PLCZ1: variants seen among roughly 807,000 people sequenced by gnomAD.
PLCZ1 encodes phospholipase C zeta 1.
Under a neutral mutation model 76.8 loss-of-function variants are expected in PLCZ1, and 64 were observed. The observed-to-expected ratio is 0.83, with a 90% CI of 0.68 to 1.03. The LOEUF (loss-of-function observed/expected upper bound fraction) is 1.03. PLCZ1 is among the 50% of genes least tolerant of loss of function. The probability of loss-of-function intolerance (pLI) is 0.00; values close to 1 mark genes in which losing one functional copy is unlikely to be tolerated. For synonymous variants in PLCZ1, 248 were observed against 230.8 expected, an observed-to-expected ratio of 1.07 and a Z score of -0.68; for missense variants, 751 against 713.7, an observed-to-expected ratio of 1.05 and a Z score of -0.60.
chr12:18,650,401 ATTTT>A, the PLCZ1 span, among the ~76,000 whole-genome samples: 23,843 of 136,464 alleles, frequency 0.17, 2,563 homozygotes, highest in African/African-American at 0.3. Context: ...ATACACACAC[ATTTT>A]TTTTTTAAGA....
chr12:18,702,492 A>G (rs913426498), intron 7 of PLCZ1, among the ~76,000 whole-genome samples: 2 of 152,138 alleles, frequency 1.3e-5, no homozygotes, highest in Admixed American at 1.3e-4. Flanking sequence ...GTTATAAAGT[A>G]AAGTTCTTTT....
At chr12:18,653,954 C>T in the PLCZ1 span, among the ~76,000 whole-genome samples, 1 of 151,966 alleles carries the variant, frequency 6.6e-6, no homozygotes, top group Non-Finnish European at 1.5e-5. Flanking sequence ...CTCCATGATT[C>T]CGATTTACCC....
chr12:18,661,825 T>G, the PLCZ1 span, among the ~76,000 whole-genome samples: 8 of 152,006 alleles, frequency 5.3e-5, no homozygotes, highest in African/African-American at 1.9e-4. Context: ...TCTACCGTTG[T>G]AGAAATATTC....
chr12:18,713,596 A>G (rs1180908185), intron 5 of PLCZ1: 2 of 152,956 alleles, frequency 1.3e-5, no homozygotes, highest in East Asian at 1.9e-4. Flanking sequence ...CTCTCTAACC[A>G]TTTAACATAA....
intron 10 of PLCZ1, among the ~76,000 whole-genome samples, chr12:18,697,044 C>T (rs1274916068): frequency 6.6e-6 from 1 of 152,076 alleles, no homozygotes. Flanking sequence ...CTAACTTAAA[C>T]CCTTTACCAT....
chr12:18,691,464 A>G (rs1228987701), intron 12 of PLCZ1, among the ~76,000 whole-genome samples: 1 of 152,158 alleles, frequency 6.6e-6, no homozygotes, highest in African/African-American at 2.4e-5. Flanking sequence ...TCCAAGGAGA[A>G]TAGTTTGAGA....
At chr12:18,670,752 C>A in the PLCZ1 span, among the ~76,000 whole-genome samples, 2 of 152,122 alleles carry the variant, frequency 1.3e-5, no homozygotes, top group African/African-American at 4.8e-5. Flanking sequence ...TCATCCTGAA[C>A]TATTTTAGGT....
Position 18,719,498 on chromosome 12 carries a change from A to C in PLCZ1, c.502T>G (p.Ser168Ala), listed in dbSNP as rs907647673. ...GATACCAAATATGTGTTATGTGAAGATGAAATAAAATAATCATTTAATGGA... is the reference window on the plus strand; with the variant it reads ...GATACCAAATATGTGTTATGTGAAGCTGAAATAAAATAATCATTTAATGGA... ...THPLNDYFIS[S>A]SHNTYLVSDQ... The change falls in exon 5 of 15, where the codon TCT (serine) becomes GCT (alanine). Residue 168 changes from serine to alanine, a missense_variant. Ser to Ala is a moderately conservative substitution (Grantham distance 99, BLOSUM62 1). Transcript: ENST00000266505. The C allele has an allele frequency of 3.8e-6, 6 of 1,588,574 alleles. No homozygotes were observed. The Admixed American group carries it at 5.1e-5, about 14-fold the overall frequency.
Position 18,701,540 on chromosome 12 carries a change from T to C in PLCZ1, c.978A>G (p.Val326=), listed in dbSNP as rs1220555504. The C allele has an allele frequency of 8.1e-6, 13 of 1,614,088 alleles. No individual in the cohort carries two copies. Among genetic ancestry groups the C allele is most frequent in the Non-Finnish European group, 1.1e-5 (13 of 1,179,998 alleles). ...AAAGCATTACTCCAGGTAACTTTTT[T>C]ACCCCTGTTTCCTTGTCTTGATTGT... is the stretch of plus-strand genomic sequence containing the variant. ...RGDNQDKETG[V]KKLPGVMLFK... Residue 326 remains valine (V), a synonymous_variant, in exon 9 of 15, where the codon GTA becomes GTG. Coordinates refer to ENST00000266505, the MANE Select transcript of PLCZ1 (RefSeq NM_033123.4).
chr12:18,685,869 C>T (rs1953064344), intron 13 of PLCZ1, among the ~76,000 whole-genome samples: 1 of 146,006 alleles, frequency 6.8e-6, no homozygotes, highest in African/African-American at 2.6e-5. Flanking sequence ...CACACACACA[C>T]ATACAATAAT....
intron 12 of PLCZ1, chr12:18,693,783 C>G (rs750146061): frequency 3.7e-5 from 56 of 1,513,194 alleles, no homozygotes; most frequent in Non-Finnish European, 4.9e-5. Flanking sequence ...CAAATAGAAA[C>G]TTTGGATCCA....
At chr12:18,658,772 A>G in the PLCZ1 span, among the ~76,000 whole-genome samples, 1 of 152,284 alleles carries the variant, frequency 6.6e-6, no homozygotes, top group East Asian at 1.9e-4. Flanking sequence ...GAGAGTAAAA[A>G]GGGAGAGAAT....
At chr12:18,735,883 T>C (rs988446672) in intron 3 of PLCZ1, 1 of 169,442 alleles carries the variant, frequency 5.9e-6, no homozygotes, top group African/African-American at 2.4e-5. Context: ...TCCTCCCTTC[T>C]GCTAACTTTG....
downstream of PLCZ1, among the ~76,000 whole-genome samples, chr12:18,680,381 A>G (rs185116891): frequency 2.9e-3 from 445 of 152,084 alleles, 4 homozygotes; most frequent in African/African-American, 9.8e-3. Context: ...CCTTATATCC[A>G]ACATTTAAAA....
intron 7 of PLCZ1, among the ~76,000 whole-genome samples, chr12:18,704,471 G>A (rs1956340068): frequency 6.6e-6 from 1 of 152,074 alleles, no homozygotes; most frequent in African/African-American, 2.4e-5. Context: ...GATTACAGGT[G>A]GATGCCACGA....
At chr12:18,737,871 C>A in intron 1 of PLCZ1, 61 bp downstream of exon 1, 1 of 281,184 alleles carries the variant, frequency 3.6e-6, no homozygotes. Flanking sequence ...TGCTGTCACT[C>A]TTGAAACTTT....
chr12:18,732,715 G>T (rs958952859), intron 3 of PLCZ1, among the ~76,000 whole-genome samples: 5 of 152,136 alleles, frequency 3.3e-5, no homozygotes, highest in African/African-American at 1.2e-4. Context: ...GTGGTGTCAT[G>T]CACTATTTGT....
At chr12:18,668,510 A>G in the PLCZ1 span, among the ~76,000 whole-genome samples, 121 of 152,184 alleles carry the variant, frequency 8.0e-4, no homozygotes, top group Non-Finnish European at 1.4e-3. Flanking sequence ...GTCTACTACA[A>G]CTGAAGCTCC....
chr12:18,712,868 G>C lies in PLCZ1; in HGVS notation c.688C>G (p.Gln230Glu), dbSNP rs1164807164. ...TSKLLFKTVIQAIHKYAFMTS... is the reference protein window; with the variant it reads ...TSKLLFKTVIEAIHKYAFMTS... Reference sequence around the variant, plus strand: ...ATGAATGCATACTTGTGTATAGCTTGGATAACAGTTTTAAACAGAAGTTTG... The same window carrying C: ...ATGAATGCATACTTGTGTATAGCTTCGATAACAGTTTTAAACAGAAGTTTG... The change falls in exon 6 of 15, where the codon CAA becomes GAA. Residue 230 changes from glutamine (Q) to glutamate (E), a missense_variant. Physicochemically the swap from Gln to Glu is conservative, Grantham distance 29. Coordinates refer to ENST00000266505, the MANE Select transcript of PLCZ1 (RefSeq NM_033123.4). 10 of 1,613,802 alleles carry C rather than the reference G, an allele frequency of 6.2e-6. No homozygotes were observed. The highest frequency in any genetic ancestry group is 8.5e-6 in the Non-Finnish European group (10 of 1,179,762).
Sources: allele counts gnomAD v4.1 joint callset (sites outside exome capture counted in the v4.1 genomes callset), GRCh38; gene constraint gnomAD v4.1.1; transcripts MANE v1.5; gene names NCBI Gene and HGNC (gene_info 2026-07-23, HGNC 2026-07-21).